Variants in DVL3 observed in about 807,000 individuals in gnomAD.
DVL3 encodes the protein segment polarity protein dishevelled homolog DVL-3.
Under a neutral mutation model 67.4 loss-of-function variants are expected in DVL3, and 27 were observed. The ratio of observed to expected loss-of-function variants is 0.40; its 90% CI spans 0.30 to 0.55. The LOEUF is 0.55. DVL3 is among the 20% of genes least tolerant of loss of function. DVL3 has a pLI of 0.46. For synonymous variants in DVL3, 369 were observed against 396.8 expected, an observed-to-expected ratio of 0.93 and a Z score of 0.83; for missense variants, 819 against 1,021.5, an observed-to-expected ratio of 0.80 and a Z score of 2.70.
intron 1 of DVL3, among the ~76,000 whole-genome samples, chr3:184,158,543 T>C (rs1486722397): frequency 3.3e-5 from 5 of 152,036 alleles, no homozygotes; most frequent in Admixed American, 2.6e-4. Context: ...CTTGGAAAAC[T>C]GTAGAGGTGA....
Position 184,166,710 on chromosome 3 carries a change from TTACA to T in DVL3, c.1048+43_1048+46del. On this transcript the variant is annotated intron_variant, in intron 10 of 14. Transcript: ENST00000313143. This position sits in a 1 kb window ranked among gnomAD's most constrained non-coding sequence, Gnocchi z 6.7. Reference sequence around the variant, plus strand: ...GGAGACTCAGTCCTAAAGCTGGTGCTTACATACATGAGCACTGTCTCTCCTTTCT... The same window carrying T: ...GGAGACTCAGTCCTAAAGCTGGTGCTTACATGAGCACTGTCTCTCCTTTCT... 6.2e-7 allele frequency: 1 copy of T among 1,612,732 alleles called. No individual in the cohort carries two copies. The highest frequency in any genetic ancestry group is 8.5e-7 in the Non-Finnish European group (1 of 1,179,260).
chr3:184,156,978 AGGAAGCAAG>A, intron 1 of DVL3: 1 of 160,746 alleles, frequency 6.2e-6, no homozygotes, highest in South Asian at 1.7e-4. Context: ...ACCTAGCACT[AGGAAGCAAG>A]CACCTTCTGT....
chr3:184,162,522 G>A (rs1714415992), intron 1 of DVL3, among the ~76,000 whole-genome samples: 1 of 149,808 alleles, frequency 6.7e-6, no homozygotes, highest in Non-Finnish European at 1.5e-5. Context: ...AAAATGTTCA[G>A]TAAATGCCTT....
chr3:184,170,372 G>A lies in DVL3; in HGVS notation c.1768G>A (p.Asp590Asn). Residue 590 changes from aspartate to asparagine, a missense_variant, in exon 15 of 15, where the codon GAC (aspartate) becomes AAC (asparagine). By Grantham distance (23) the Asp-to-Asn change is conservative (BLOSUM62 1). This residue lies in a region of DVL3 where 324 missense variants were observed against 331.3 expected (regional missense o/e 0.98). Coordinates refer to ENST00000313143, the MANE Select transcript of DVL3 (RefSeq NM_004423.4). The surrounding 1 kb of genome is among the most constrained non-coding windows in gnomAD (Gnocchi z 6.5). Reference sequence around the variant, plus strand: ...CGGCAGCGATCGGAGGAAGGAGAAGGACCCGAAGGCCGGGGACTCCAAGTC... The same window carrying A: ...CGGCAGCGATCGGAGGAAGGAGAAGAACCCGAAGGCCGGGGACTCCAAGTC... Reference protein sequence around the residue: ...RSGSDRRKEKDPKAGDSKSGG... With the variant: ...RSGSDRRKEKNPKAGDSKSGG... The A allele has an allele frequency of 6.2e-7, 1 of 1,606,076 alleles. No individual in the cohort carries two copies. The highest frequency in any genetic ancestry group is 1.3e-5 in the African/African-American group (1 of 74,924).
In DVL3 at chr3:184,167,752, T is replaced by C; in HGVS notation, c.1330+41T>C. The C allele has an allele frequency of 6.3e-7, 1 of 1,592,992 alleles. No individual in the cohort carries two copies. The stretch of plus-strand genomic sequence containing the variant: ...GGTGGGATGCAGGGTGGGTGGGGAG[T>C]GATGGGGCAGGGCAGGCCGGAGGGC... On this transcript the variant is annotated intron_variant, in intron 12 of 14. Coordinates refer to ENST00000313143, the MANE Select transcript of DVL3 (RefSeq NM_004423.4). The surrounding 1 kb of genome is among the most constrained non-coding windows in gnomAD (Gnocchi z 4.6).
intron 1 of DVL3, among the ~76,000 whole-genome samples, chr3:184,160,261 T>C (rs1275380241): frequency 6.6e-6 from 1 of 152,200 alleles, no homozygotes; most frequent in Non-Finnish European, 1.5e-5. Flanking sequence ...AGTCAAAGCA[T>C]TTTAATTGGA....
In DVL3 at chr3:184,166,650, G is replaced by A. The variant is rs778265460; in HGVS notation, c.1025G>A (p.Arg342His). ...TVAKCWDPSP[R>H]GCFTLPRSEP... ...GCCAAGTGCTGGGACCCAAGTCCAC[G>A]TGGTTGCTTCACATTGCCCAGGAGT... is the stretch of plus-strand genomic sequence containing the variant. Residue 342 changes from arginine (R) to histidine (H), a missense_variant, in exon 10 of 15, where the codon CGT becomes CAT. Around this residue, in one of 3 missense-constraint regions of DVL3, gnomAD observed 385 missense variants for 486.8 expected, o/e 0.79. Coordinates refer to ENST00000313143, the MANE Select transcript of DVL3 (RefSeq NM_004423.4). The surrounding 1 kb of genome is among the most constrained non-coding windows in gnomAD (Gnocchi z 6.7). 8.7e-6 allele frequency: 14 copies of A among 1,614,008 alleles called. No homozygotes were observed. The highest frequency in any genetic ancestry group is 5.5e-5 in the South Asian group (5 of 91,082).
Position 184,155,557 on chromosome 3 carries a change from C to T in DVL3, c.-79C>T. The T allele has an allele frequency of 1.1e-6, 1 of 928,136 alleles. No homozygotes were observed. Among genetic ancestry groups the T allele is most frequent in the Non-Finnish European group, 1.3e-6 (1 of 776,168 alleles). The allele number at this position is 928,136 out of a possible 1,614,324, so 57.5% of individuals were successfully genotyped here. On this transcript the variant is annotated 5_prime_UTR_variant, in exon 1 of 15. Transcript: ENST00000313143. The surrounding 1 kb of genome is among the most constrained non-coding windows in gnomAD (Gnocchi z 5.4). Reference sequence around the variant, plus strand: ...TGGGTTGAGCCGCTGGGCCGCGCCGCGCGCCGCCGCCGTCTGGGAGGCTCG... The same window carrying T: ...TGGGTTGAGCCGCTGGGCCGCGCCGTGCGCCGCCGCCGTCTGGGAGGCTCG...
rs966539255 is a variant in DVL3 at position 184,163,401 on chromosome 3, T to G, written c.162-256T>G. On this transcript the variant is annotated intron_variant, in intron 1 of 14. Coordinates refer to ENST00000313143, the MANE Select transcript of DVL3 (RefSeq NM_004423.4). The surrounding 1 kb of genome is among the most constrained non-coding windows in gnomAD (Gnocchi z 4.5). ...GGGAGTGGCATGGGGGACAGTGATG[T>G]GTCAGTTGTAATTTGCAATCACCTG... Among the ~76,000 whole-genome samples, 1 of 152,208 alleles carries G rather than the reference T, an allele frequency of 6.6e-6. No homozygotes were observed. The highest frequency in any genetic ancestry group is 2.4e-5 in the African/African-American group (1 of 41,442).
chr3:184,168,372 A>G (rs1474140493), intron 13 of DVL3, among the ~76,000 whole-genome samples: 3 of 152,240 alleles, frequency 2.0e-5, no homozygotes, highest in Non-Finnish European at 4.4e-5. Context: ...GGATACTGCC[A>G]GAATAGGCCT....
Position 184,168,065 on chromosome 3 carries a change from A to G in DVL3, c.1498A>G (p.Asn500Asp). Residue 500 changes from asparagine to aspartate, a missense_variant and splice_region_variant, in exon 13 of 15, where the codon AAC becomes GAC. Transcript: ENST00000313143. Reference sequence around the variant, plus strand: ...CTACATCTTCGGTGACCTCTGCGGCAGTATGTGCCTCCCTCATCTTCTTGC... The same window carrying G: ...CTACATCTTCGGTGACCTCTGCGGCGGTATGTGCCTCCCTCATCTTCTTGC... ...CYYIFGDLCG[N>D]MANLSLHDHD... 1 of 1,613,102 alleles carries G rather than the reference A, an allele frequency of 6.2e-7. No individual in the cohort carries two copies. The highest frequency in any genetic ancestry group is 2.2e-5 in the East Asian group (1 of 44,844).
Position 184,165,393 on chromosome 3 carries a change from C to T in DVL3, c.694-29C>T, listed in dbSNP as rs1354138504. 5.6e-6 allele frequency: 9 copies of T among 1,611,974 alleles called. No individual in the cohort carries two copies. The Admixed American group carries it at 1.0e-4, about 18-fold the overall frequency. ...GGGAGTGAATTCCTGCCACCTCCAC[C>T]TGCTGCTCAGGGCCTCTGTCTATTC... On this transcript the variant is annotated intron_variant, in intron 6 of 14. Coordinates refer to ENST00000313143, the MANE Select transcript of DVL3 (RefSeq NM_004423.4). This position sits in a 1 kb window ranked among gnomAD's most constrained non-coding sequence, Gnocchi z 4.1.
Position 184,170,739 on chromosome 3 carries a change from T to C in DVL3, c.2135T>C (p.Phe712Ser). 1.2e-6 allele frequency: 2 copies of C among 1,613,420 alleles called. No homozygotes were observed. Residue 712 changes from phenylalanine to serine, a missense_variant, in exon 15 of 15, where the codon TTT becomes TCT. Physicochemically the swap from Phe to Ser is radical, Grantham distance 155. Coordinates refer to ENST00000313143, the MANE Select transcript of DVL3 (RefSeq NM_004423.4). This position sits in a 1 kb window ranked among gnomAD's most constrained non-coding sequence, Gnocchi z 6.5. ...RMAMGNPSEF[F>S]VDVM ...GCCATGGGAAACCCCAGTGAGTTCT[T>C]TGTGGATGTGATGTGAGCAGGGCCC...
chr3:184,168,183 A>C (rs1232330969), intron 13 of DVL3, 118 bp downstream of exon 13: 20 of 1,186,844 alleles, frequency 1.7e-5, no homozygotes, highest in Non-Finnish European at 2.4e-5. Context: ...CAGGGGCCCA[A>C]TTCAAGGCCT....
chr3:184,158,885 C>T (rs1367116448), intron 1 of DVL3, among the ~76,000 whole-genome samples: 6 of 150,740 alleles, frequency 4.0e-5, no homozygotes, highest in African/African-American at 1.2e-4. Flanking sequence ...AGGTGATTCT[C>T]CTGCCTCAGC....
chr3:184,160,884 G>A (rs550016418), intron 1 of DVL3, among the ~76,000 whole-genome samples: 1 of 152,322 alleles, frequency 6.6e-6, no homozygotes, highest in African/African-American at 2.4e-5. Flanking sequence ...AGAGTGGCTG[G>A]TGGGTCTGAG....
chr3:184,158,358 A>C (rs189752179), intron 1 of DVL3, among the ~76,000 whole-genome samples: 2 of 151,994 alleles, frequency 1.3e-5, no homozygotes, highest in African/African-American at 4.8e-5. Context: ...AGGAAACTAG[A>C]GCACAGAAAG....
chr3:184,166,264 A>G lies in DVL3; in HGVS notation c.902A>G (p.Gln301Arg), dbSNP rs1714581122. 6.2e-7 allele frequency: 1 copy of G among 1,612,516 alleles called. No individual in the cohort carries two copies. Among genetic ancestry groups the G allele is most frequent in the African/African-American group, 1.3e-5 (1 of 74,774 alleles). ...ATCGAGCCAGGAGATATGTTGTTACAGGTATCAGTGCCCATCCTAGGCGGT... is the reference window on the plus strand; with the variant it reads ...ATCGAGCCAGGAGATATGTTGTTACGGGTATCAGTGCCCATCCTAGGCGGT... Reference protein sequence around the residue: ...GRIEPGDMLLQVNEINFENMS... With the variant: ...GRIEPGDMLLRVNEINFENMS... The change falls in exon 8 of 15, where the codon CAG (glutamine) becomes CGG (arginine). Residue 301 changes from glutamine (Q) to arginine (R), a missense_variant and splice_region_variant. Physicochemically the swap from Gln to Arg is conservative, Grantham distance 43. Transcript: ENST00000313143. The surrounding 1 kb of genome is among the most constrained non-coding windows in gnomAD (Gnocchi z 6.7).
At chr3:184,158,326 G>A (rs1224152814) in intron 1 of DVL3, among the ~76,000 whole-genome samples, 1 of 149,012 alleles carries the variant, frequency 6.7e-6, no homozygotes, top group Non-Finnish European at 1.5e-5. Flanking sequence ...GAGTGGGACC[G>A]TGTTTCAGAA....
Sources: allele counts gnomAD v4.1 joint callset (sites outside exome capture counted in the v4.1 genomes callset), GRCh38; gene constraint gnomAD v4.1.1; regional missense constraint gnomAD v4.1.1; non-coding constraint Gnocchi (gnomAD v3.1); transcripts MANE v1.5; gene names NCBI Gene and HGNC (gene_info 2026-07-23, HGNC 2026-07-21).